Variants in SPAG16 observed in about 807,000 individuals in gnomAD.
SPAG16 encodes sperm associated antigen 16, also known as sperm-associated antigen 16 protein.
In SPAG16, 86 loss-of-function variants were observed where a neutral mutation model predicts 80.4. That is an observed-to-expected ratio of 1.07 (90% CI 0.90 to 1.28). SPAG16 has a LOEUF of 1.28. Among genes scored for constraint, SPAG16 ranks in the 50% most tolerant of loss-of-function variants. The pLI is 0.00. For synonymous variants in SPAG16, 294 were observed against 265.9 expected (o/e 1.11, Z -1.03); for missense variants, 870 against 765.3 (o/e 1.14, Z -1.61).
At chr2:214,388,309 C>T (rs1372445130) in intron 15 of SPAG16, among the ~76,000 whole-genome samples, 3 of 152,096 alleles carry the variant, frequency 2.0e-5, no homozygotes, top group African/African-American at 7.2e-5. Flanking sequence ...TTGCTAGGTC[C>T]TCTCCCTCCT....
intron 15 of SPAG16, among the ~76,000 whole-genome samples, chr2:214,261,737 G>T (rs1047421956): frequency 2.0e-5 from 3 of 151,900 alleles, no homozygotes; most frequent in Admixed American, 6.6e-5. Flanking sequence ...TATAATAAAC[G>T]AAGTGTAAAT....
chr2:214,273,250 C>T (rs910067755), intron 15 of SPAG16, among the ~76,000 whole-genome samples: 1 of 152,132 alleles, frequency 6.6e-6, no homozygotes, highest in African/African-American at 2.4e-5. Context: ...GTTGCCTGTT[C>T]ACTCTAATGG....
chr2:213,579,710 G>T (rs2060240654), intron 10 of SPAG16, among the ~76,000 whole-genome samples: 1 of 152,008 alleles, frequency 6.6e-6, no homozygotes, highest in Non-Finnish European at 1.5e-5. Context: ...TGACTTAAAA[G>T]TCTATAATTG....
intron 12 of SPAG16, among the ~76,000 whole-genome samples, chr2:213,973,656 G>A (rs879916074): frequency 1.6e-4 from 24 of 145,994 alleles, no homozygotes; most frequent in African/African-American, 2.3e-4. Context: ...TTTTTGATTC[G>A]GCATTCATTT....
intron 10 of SPAG16, among the ~76,000 whole-genome samples, chr2:213,860,417 ATG>A (rs2075380273): frequency 2.6e-5 from 3 of 113,808 alleles, no homozygotes; most frequent in Non-Finnish European, 5.8e-5. Context: ...ATATAAATAT[ATG>A]TGTGTATATC....
chr2:213,513,490 CT>C (rs370847670), intron 10 of SPAG16, among the ~76,000 whole-genome samples: 2,915 of 148,718 alleles, frequency 0.02, 44 homozygotes, highest in Middle Eastern at 0.052. Context: ...TTCTGAGCAT[CT>C]TTTTTTTTTG....
At chr2:213,830,271 A>G (rs2073555022) in intron 10 of SPAG16, among the ~76,000 whole-genome samples, 1 of 152,160 alleles carries the variant, frequency 6.6e-6, no homozygotes, top group Admixed American at 6.6e-5. Context: ...TGTTGGCAGC[A>G]CTGAGTTCCA....
At chr2:213,417,803 A>G (rs1271935850) in intron 9 of SPAG16, among the ~76,000 whole-genome samples, 2 of 152,176 alleles carry the variant, frequency 1.3e-5, no homozygotes, top group African/African-American at 4.8e-5. Context: ...AATCATGTCA[A>G]TCAAAAATAT....
At chr2:214,157,364 A>G (rs537601068) in intron 15 of SPAG16, among the ~76,000 whole-genome samples, 1 of 152,242 alleles carries the variant, frequency 6.6e-6, no homozygotes, top group African/African-American at 2.4e-5. Flanking sequence ...ATGTAATGTA[A>G]ATTAGGAACT....
chr2:213,742,494 T>C (rs2067599502), intron 10 of SPAG16, among the ~76,000 whole-genome samples: 1 of 151,958 alleles, frequency 6.6e-6, no homozygotes. Context: ...CATAAAATTA[T>C]AAATACCTCT....
intron 13 of SPAG16, among the ~76,000 whole-genome samples, chr2:214,064,283 C>T (rs1459664287): frequency 6.6e-6 from 1 of 151,754 alleles, no homozygotes; most frequent in Non-Finnish European, 1.5e-5. Context: ...TTTAATTATA[C>T]TTATATATAT....
At chr2:213,985,992 G>C (rs1462214152) in intron 12 of SPAG16, among the ~76,000 whole-genome samples, 1 of 152,030 alleles carries the variant, frequency 6.6e-6, no homozygotes, top group Admixed American at 6.6e-5. Context: ...ATGAGAAAAA[G>C]GAGTTGTTTT....
intron 10 of SPAG16, among the ~76,000 whole-genome samples, chr2:213,635,960 C>T (rs2062346424): frequency 6.6e-6 from 1 of 152,144 alleles, no homozygotes; most frequent in Admixed American, 6.5e-5. Flanking sequence ...TAATTAAGTA[C>T]CGTCTATTTG....
chr2:213,897,506 T>C (rs2077041334), intron 11 of SPAG16, among the ~76,000 whole-genome samples: 1 of 152,230 alleles, frequency 6.6e-6, no homozygotes, highest in African/African-American at 2.4e-5. Flanking sequence ...GGATATATTT[T>C]AAAATGTGTT....
chr2:213,417,442 A>G (rs1321150223), intron 9 of SPAG16, among the ~76,000 whole-genome samples: 1 of 152,190 alleles, frequency 6.6e-6, no homozygotes, highest in African/African-American at 2.4e-5. Context: ...CATGCAGGGA[A>G]CTAGACCTGT....
At chr2:213,548,858 C>G (rs1346941799) in intron 10 of SPAG16, among the ~76,000 whole-genome samples, 1 of 151,976 alleles carries the variant, frequency 6.6e-6, no homozygotes. Flanking sequence ...TGTTTTCATG[C>G]AAACTTTTGA....
In SPAG16 at chr2:213,377,678, C is replaced by G. The variant is rs114384939; in HGVS notation, c.942+2559C>G. On this transcript the variant is annotated intron_variant, in intron 9 of 15. Transcript: ENST00000331683. ...CTTACTTTTTCCTCTTACTTTTTCC[C>G]TTACTTTTTCCCTAGTTTGCTAACT... Among the ~76,000 whole-genome samples the G allele has an allele frequency of 4.9e-3, 748 of 152,056 alleles. 5 individuals carry two copies. Among genetic ancestry groups the G allele is most frequent in the African/African-American group, 0.018 (728 of 41,484 alleles).
chr2:214,153,352 G>A (rs538008414), intron 15 of SPAG16, among the ~76,000 whole-genome samples: 12 of 152,304 alleles, frequency 7.9e-5, no homozygotes, highest in African/African-American at 2.6e-4. Flanking sequence ...ATTATAGAGT[G>A]AGGATTATTA....
chr2:214,034,602 C>CT lies in SPAG16; in HGVS notation c.1527+20526dup, dbSNP rs567574459. On this transcript the variant is annotated intron_variant, in intron 13 of 15. Coordinates refer to ENST00000331683, the MANE Select transcript of SPAG16 (RefSeq NM_024532.5). ...CACTGTGCATAGCCAGGCACGCTGG[C>CT]TGCAGCGGGGTGGGCAGCTCCAGGC... Among the ~76,000 whole-genome samples the CT allele has an allele frequency of 1.5e-3, 227 of 152,352 alleles. 1 individual carries two copies. Among genetic ancestry groups the CT allele is most frequent in the African/African-American group, 5.3e-3 (219 of 41,576 alleles).
Sources: gnomAD v4.1 joint callset for allele counts (sites outside exome capture counted in the v4.1 genomes callset) on GRCh38, gnomAD v4.1.1 for gene constraint, MANE v1.5 for transcripts, NCBI Gene and HGNC (gene_info 2026-07-23, HGNC 2026-07-21) for gene names.